The following PCDHA6 variants were observed in gnomAD, a reference collection of about 807,000 sequenced individuals.
PCDHA6 encodes the protein protocadherin alpha-6.
PCDHA6 carries 55 observed loss-of-function variants against 60.3 expected under a neutral mutation model. The observed-to-expected ratio is 0.91, with a 90% CI of 0.73 to 1.14. PCDHA6 has a LOEUF of 1.14. Among genes scored for constraint, PCDHA6 ranks in the 50% most tolerant of loss-of-function variants. The pLI is 0.00. For synonymous variants in PCDHA6, 652 were observed against 557.9 expected (o/e 1.17, Z -2.38); for missense variants, 1,327 against 1,256.5 (o/e 1.06, Z -0.85).
At chr5:140,871,955 G>C in intron 1 of PCDHA6, among the ~76,000 whole-genome samples, 1 of 152,196 alleles carries the variant, frequency 6.6e-6, no homozygotes, top group East Asian at 1.9e-4. Flanking sequence ...TTTCTAAAGG[G>C]AGGAGGTCTT....
At chr5:140,925,189 C>A (rs1488098385) in intron 1 of PCDHA6, among the ~76,000 whole-genome samples, 2 of 152,116 alleles carry the variant, frequency 1.3e-5, no homozygotes, top group African/African-American at 4.8e-5. Flanking sequence ...TACCATCACC[C>A]AGCTTCAATA....
At chr5:140,967,473 C>G in intron 1 of PCDHA6, 1 of 1,613,362 alleles carries the variant, frequency 6.2e-7, no homozygotes, top group Admixed American at 1.7e-5. Context: ...GGCATCCCAG[C>G]CCGCTCGGGT....
intron 1 of PCDHA6, chr5:140,967,928 A>T (rs1438894870): frequency 3.1e-6 from 5 of 1,614,082 alleles, no homozygotes; most frequent in Non-Finnish European, 3.4e-6. Flanking sequence ...GGCCGTTCTC[A>T]GTGTCAATGA....
intron 3 of PCDHA6, among the ~76,000 whole-genome samples, chr5:140,999,591 C>T (rs2153957965): frequency 1.3e-5 from 2 of 152,208 alleles, no homozygotes; most frequent in South Asian, 4.2e-4. Flanking sequence ...AATTGCCTTC[C>T]CTACATCCTG....
rs1563652468 is a variant in PCDHA6, at chr5:141,000,419, A to ATT, written c.2543-9207_2543-9206insTT. ...TCTATATATATATATATATATATAT[A>ATT]TATTTTTTTTTTTTTTTTTTTTTTT... On this transcript the variant is annotated intron_variant, in intron 3 of 3. Transcript: ENST00000529310. 2.1e-3 allele frequency among the ~76,000 whole-genome samples: 126 copies of ATT among 60,978 alleles called. 1 individual carries two copies. The highest frequency in any genetic ancestry group is 3.3e-3 in the African/African-American group (43 of 13,160). The allele number at this position is 60,978 out of a possible 152,430, so 40.0% of individuals were successfully genotyped here. A position where few individuals can be genotyped will look rare whatever the true frequency, so the allele number is the denominator to read the frequency against.
chr5:140,951,413 C>T (rs1206149734), intron 1 of PCDHA6, among the ~76,000 whole-genome samples: 1 of 152,028 alleles, frequency 6.6e-6, no homozygotes, highest in African/African-American at 2.4e-5. Context: ...GTTTAATTGG[C>T]TCACAGTTCC....
chr5:140,928,468 G>A, intron 1 of PCDHA6: 1 of 1,614,154 alleles, frequency 6.2e-7, no homozygotes. Flanking sequence ...TTTCCAAGTA[G>A]AAGGCCGGGA....
chr5:140,920,858 A>AG (rs2079893810), intron 1 of PCDHA6, among the ~76,000 whole-genome samples: 1 of 151,604 alleles, frequency 6.6e-6, no homozygotes, highest in African/African-American at 2.4e-5. Context: ...AAAAAAAAAA[A>AG]CAAACAAACT....
intron 1 of PCDHA6, chr5:140,871,257 G>T (rs374337862): frequency 6.8e-6 from 11 of 1,613,808 alleles, no homozygotes; most frequent in Admixed American, 1.7e-5. Flanking sequence ...TGCTGTATAC[G>T]GCGCTGTGGT....
intron 1 of PCDHA6, chr5:140,928,202 A>G: frequency 6.2e-7 from 1 of 1,614,210 alleles, no homozygotes; most frequent in Non-Finnish European, 8.5e-7. Flanking sequence ...TCAGTTGCTG[A>G]TGTGAATGAC....
At chr5:140,993,081 A>G (rs966669704) in intron 3 of PCDHA6, among the ~76,000 whole-genome samples, 34 of 152,234 alleles carry the variant, frequency 2.2e-4, no homozygotes, top group Non-Finnish European at 2.8e-4. Flanking sequence ...GTCTGCAATC[A>G]GCAGGGCTAT....
chr5:140,965,879 G>C (rs920261632), intron 1 of PCDHA6, among the ~76,000 whole-genome samples: 1 of 152,216 alleles, frequency 6.6e-6, no homozygotes, highest in Non-Finnish European at 1.5e-5. Flanking sequence ...ACTTGGCCGA[G>C]AGCAGAATTG....
At chr5:140,926,879 C>T (rs1554203752) in intron 1 of PCDHA6, 1 of 1,534,362 alleles carries the variant, frequency 6.5e-7, no homozygotes, top group African/African-American at 1.4e-5. Context: ...GGAACGTGGA[C>T]GCCTAGAGGG....
intron 1 of PCDHA6, chr5:140,882,602 A>T: frequency 6.2e-7 from 1 of 1,614,276 alleles, no homozygotes; most frequent in Non-Finnish European, 8.5e-7. Flanking sequence ...GATCGTGGAC[A>T]GGCCTCTGCA....
rs782803893 is a variant in PCDHA6, at chr5:140,927,898, C to G, written c.2395-51051C>G. 3.1e-6 allele frequency: 5 copies of G among 1,614,230 alleles called. No individual in the cohort carries two copies. In the South Asian group the frequency reaches 4.4e-5, roughly 14 times the overall value. On this transcript the variant is annotated intron_variant, in intron 1 of 3. Coordinates refer to ENST00000529310, the MANE Select transcript of PCDHA6 (RefSeq NM_018909.4). Reference sequence around the variant, plus strand: ...GGTGGAGGTGACTGACGTGAACGATCATGCCCCCGAACTGGACTTCCTGAC... The same window carrying G: ...GGTGGAGGTGACTGACGTGAACGATGATGCCCCCGAACTGGACTTCCTGAC...
At chr5:140,872,215 A>T (rs931630004) in intron 1 of PCDHA6, among the ~76,000 whole-genome samples, 2 of 152,188 alleles carry the variant, frequency 1.3e-5, no homozygotes, top group Non-Finnish European at 2.9e-5. Flanking sequence ...ATTATATATG[A>T]AACAATCTTT....
intron 1 of PCDHA6, chr5:140,869,386 C>T: frequency 6.2e-7 from 1 of 1,614,176 alleles, no homozygotes; most frequent in Non-Finnish European, 8.5e-7. Context: ...CCGCGAGGAG[C>T]TGTGCGGGCA....
At chr5:140,900,429 C>A (rs1202126306) in intron 1 of PCDHA6, among the ~76,000 whole-genome samples, 1 of 152,174 alleles carries the variant, frequency 6.6e-6, no homozygotes, top group East Asian at 1.9e-4. Context: ...AGGCACGTGC[C>A]ACCACGGCCG....
At chr5:140,987,322 T>G (rs1160600975) in intron 3 of PCDHA6, among the ~76,000 whole-genome samples, 3 of 152,200 alleles carry the variant, frequency 2.0e-5, no homozygotes, top group Non-Finnish European at 4.4e-5. Flanking sequence ...CTGTGAAGTT[T>G]TAAGAACTGG....
Sources: allele counts gnomAD v4.1 joint callset (sites outside exome capture counted in the v4.1 genomes callset), GRCh38; gene constraint gnomAD v4.1.1; transcripts MANE v1.5; gene names NCBI Gene and HGNC (gene_info 2026-07-23, HGNC 2026-07-21).